Variants in DOK5 observed in about 807,000 individuals in gnomAD.
DOK5 encodes downstream of tyrosine kinase 5.
A neutral mutation model predicts 43.3 loss-of-function variants in DOK5; 27 were observed. That is an observed-to-expected ratio of 0.62 (90% confidence interval 0.46 to 0.86). The LOEUF (loss-of-function observed/expected upper bound fraction) is 0.86, where lower values mean the gene tolerates loss of function less well. Ranked by LOEUF, DOK5 falls within the 40% of genes least tolerant of loss-of-function variation. DOK5 has a pLI of 0.00. For synonymous variants in DOK5, 146 were observed against 140.1 expected (o/e 1.04, Z -0.30); for missense variants, 373 against 392.9 (o/e 0.95, Z 0.43).
intron 1 of DOK5, among the ~76,000 whole-genome samples, chr20:54,489,754 T>C (rs992056831): frequency 6.6e-5 from 10 of 152,308 alleles, no homozygotes; most frequent in South Asian, 2.1e-4. Context: ...TCATGGAACA[T>C]TGGGGTAAAT....
At chr20:54,564,358 G>C (rs1168844539) in intron 2 of DOK5, among the ~76,000 whole-genome samples, 1 of 152,178 alleles carries the variant, frequency 6.6e-6, no homozygotes, top group African/African-American at 2.4e-5. Context: ...ATGAACCTGG[G>C]ACGCGGAGCT....
intron 1 of DOK5, among the ~76,000 whole-genome samples, chr20:54,537,684 G>A (rs1984004312): frequency 6.6e-6 from 1 of 152,062 alleles, no homozygotes; most frequent in Admixed American, 6.5e-5. Context: ...GGACCTTGTG[G>A]CATTGTAACT....
chr20:54,620,394 ATGCC>A (rs1986941626), intron 6 of DOK5, among the ~76,000 whole-genome samples: 1 of 152,114 alleles, frequency 6.6e-6, no homozygotes, highest in Non-Finnish European at 1.5e-5. Flanking sequence ...ACCTGCCACC[ATGCC>A]CAGCTAATTT....
Position 54,557,300 on chromosome 20 carries a change from G to A in DOK5, c.174+2260G>A, listed in dbSNP as rs540411877. On this transcript the variant is annotated intron_variant, in intron 2 of 7. Coordinates refer to ENST00000262593, the MANE Select transcript of DOK5 (RefSeq NM_018431.5). ...CGGGGTTGGGGGCAGGATTGGTTTCGGGATGAAACTGTTCCACTTCAAATG... is the reference window on the plus strand; with the variant it reads ...CGGGGTTGGGGGCAGGATTGGTTTCAGGATGAAACTGTTCCACTTCAAATG... Among the ~76,000 whole-genome samples, 15 of 152,242 alleles carry A rather than the reference G, an allele frequency of 9.9e-5. No individual in the cohort carries two copies. The South Asian group carries it at 1.5e-3, about 15-fold the overall frequency.
intron 1 of DOK5, chr20:54,495,189 G>A (rs532000648): frequency 6.6e-6 from 1 of 152,148 alleles, no homozygotes; most frequent in Non-Finnish European, 1.5e-5. Flanking sequence ...CTGGGTAAAG[G>A]GTTAGTACCA....
chr20:54,481,009 CATCT>C lies in DOK5; in HGVS notation c.66+5009_66+5012del, dbSNP rs1194246431. Among the ~76,000 whole-genome samples the C allele has an allele frequency of 4.2e-3, 550 of 131,258 alleles. 16 individuals are homozygous for C. Among genetic ancestry groups the C allele is most frequent in the African/African-American group, 0.014 (423 of 30,916 alleles). The allele number at this position is 131,258 out of a possible 152,430, so 86.1% of individuals were successfully genotyped here. The stretch of plus-strand genomic sequence containing the variant: ...CATCTATCATCTATCTATCATCTAT[CATCT>C]ATCTATCTATCATCTATCTATCATC... On this transcript the variant is annotated intron_variant, in intron 1 of 7. Coordinates refer to ENST00000262593, the MANE Select transcript of DOK5 (RefSeq NM_018431.5).
intron 2 of DOK5, among the ~76,000 whole-genome samples, chr20:54,561,823 AT>A (rs1266860118): frequency 6.6e-6 from 1 of 152,046 alleles, no homozygotes; most frequent in Admixed American, 6.6e-5. Flanking sequence ...AGTCCGGCTA[AT>A]TTTGTATTTT....
At chr20:54,596,162 T>C (rs546364660) in intron 5 of DOK5, among the ~76,000 whole-genome samples, 1 of 152,374 alleles carries the variant, frequency 6.6e-6, no homozygotes, top group South Asian at 2.1e-4. Context: ...ATAAGATCAT[T>C]CGTGTTCCAC....
chr20:54,622,373 A>G (rs1486083705), intron 6 of DOK5, among the ~76,000 whole-genome samples: 1 of 152,108 alleles, frequency 6.6e-6, no homozygotes, highest in East Asian at 1.9e-4. Context: ...AGGGGAAGAA[A>G]ATCTCATTTT....
At chr20:54,650,046 A>T (rs1367612205) in intron 7 of DOK5, among the ~76,000 whole-genome samples, 1 of 152,246 alleles carries the variant, frequency 6.6e-6, no homozygotes, top group Non-Finnish European at 1.5e-5. Flanking sequence ...AGATTACCAA[A>T]GTATAAGCAT....
At chr20:54,528,571 A>G (rs1479537870) in intron 1 of DOK5, among the ~76,000 whole-genome samples, 1 of 152,196 alleles carries the variant, frequency 6.6e-6, no homozygotes, top group Non-Finnish European at 1.5e-5. Flanking sequence ...CATTTTAAAA[A>G]AGCCTTCTTG....
At chr20:54,640,546 G>T (rs1979063210) in intron 6 of DOK5, among the ~76,000 whole-genome samples, 1 of 152,200 alleles carries the variant, frequency 6.6e-6, no homozygotes, top group Non-Finnish European at 1.5e-5. Context: ...CAATTAAAAT[G>T]CTTCTTTCAT....
intron 1 of DOK5, among the ~76,000 whole-genome samples, chr20:54,541,732 C>A (rs1042188842): frequency 6.6e-6 from 1 of 152,142 alleles, no homozygotes; most frequent in Non-Finnish European, 1.5e-5. Flanking sequence ...CCACCGTGCC[C>A]GGCCAAGCCA....
chr20:54,475,977 C>G lies in DOK5; in HGVS notation c.31C>G (p.Gln11Glu). 6.2e-7 allele frequency: 1 copy of G among 1,613,498 alleles called. No individual in the cohort carries two copies. The highest frequency in any genetic ancestry group is 1.7e-4 in the Middle Eastern group (1 of 6,052). MASNFNDIVK[Q>E]GYVRIRSRRL... ...TTCCAATTTTAATGACATAGTGAAG[C>G]AAGGGTACGTGAGGATCCGGAGCAG... The change falls in exon 1 of 8, where the codon CAA becomes GAA. Residue 11 changes from glutamine to glutamate, a missense_variant. By Grantham distance (29) the Gln-to-Glu change is conservative (BLOSUM62 2). Coordinates refer to ENST00000262593, the MANE Select transcript of DOK5 (RefSeq NM_018431.5). This position sits in a 1 kb window ranked among gnomAD's most constrained non-coding sequence, Gnocchi z 4.2.
chr20:54,576,255 A>G (rs928390265), intron 2 of DOK5, among the ~76,000 whole-genome samples: 45 of 152,314 alleles, frequency 3.0e-4, no homozygotes, highest in African/African-American at 1.0e-3. Context: ...TAAGAGATAC[A>G]TATAAGATGA....
chr20:54,643,320 C>A, intron 6 of DOK5, 138 bp from the exon 7 acceptor site: 1 of 1,191,748 alleles, frequency 8.4e-7, no homozygotes, highest in Non-Finnish European at 1.2e-6. Context: ...ACCATGCCCA[C>A]CACCTTCAAT....
intron 1 of DOK5, among the ~76,000 whole-genome samples, chr20:54,489,540 G>T (rs1421096415): frequency 6.6e-6 from 1 of 151,940 alleles, no homozygotes; most frequent in Non-Finnish European, 1.5e-5. Flanking sequence ...CCCCTGTATG[G>T]ATATATCTTA....
Position 54,605,062 on chromosome 20 carries a change from C to T in DOK5, c.600-5326C>T, listed in dbSNP as rs1197417779. Among the ~76,000 whole-genome samples, 4 of 149,816 alleles carry T rather than the reference C, an allele frequency of 2.7e-5. No homozygotes were observed. In the South Asian group the frequency reaches 8.4e-4, roughly 32 times the overall value. ...ACACACACACGTATACACACACACA[C>T]GTTGAGGTCAAAATGTGTTCTGCTT... is the stretch of plus-strand genomic sequence containing the variant. On this transcript the variant is annotated intron_variant, in intron 5 of 7. Coordinates refer to ENST00000262593, the MANE Select transcript of DOK5 (RefSeq NM_018431.5).
chr20:54,479,313 C>G (rs1981569794), intron 1 of DOK5, among the ~76,000 whole-genome samples: 1 of 152,128 alleles, frequency 6.6e-6, no homozygotes, highest in South Asian at 2.1e-4. Flanking sequence ...CCCATTGTTT[C>G]CTGGAGGTCT....
Sources: gnomAD v4.1 joint callset for allele counts (sites outside exome capture counted in the v4.1 genomes callset) on GRCh38, gnomAD v4.1.1 for gene constraint, Gnocchi (gnomAD v3.1) non-coding constraint, MANE v1.5 for transcripts, NCBI Gene and HGNC (gene_info 2026-07-23, HGNC 2026-07-21) for gene names.